The following ABCD2 variants were observed in gnomAD, a reference collection of about 807,000 sequenced individuals.
ABCD2 encodes the protein ATP binding cassette subfamily D member 2, also known as ATP-binding cassette sub-family D member 2.
ABCD2 carries 36 observed loss-of-function variants against 70.9 expected under a neutral mutation model. That is an observed-to-expected ratio of 0.51 (90% CI 0.39 to 0.67). ABCD2 has a LOEUF of 0.67. Among genes scored for constraint, ABCD2 ranks in the 30% least tolerant of loss-of-function variants. The pLI is 0.00. For synonymous variants in ABCD2, 304 were observed against 306.9 expected (o/e 0.99, Z 0.10); for missense variants, 729 against 890.2 (o/e 0.82, Z 2.30).
At chr12:39,566,778 A>G (rs889484640) in intron 9 of ABCD2, among the ~76,000 whole-genome samples, 8 of 152,128 alleles carry the variant, frequency 5.3e-5, no homozygotes, top group African/African-American at 1.7e-4. Context: ...AGTGCTATAA[A>G]TTTCCCTCTA....
intron 6 of ABCD2, among the ~76,000 whole-genome samples, chr12:39,588,230 GCAT>G (rs1262483747): frequency 1.3e-5 from 2 of 152,106 alleles, no homozygotes; most frequent in Non-Finnish European, 2.9e-5. Context: ...GAAGCACACA[GCAT>G]CATTTCAGTA....
At chr12:39,596,006 T>C (rs758284372) in intron 6 of ABCD2, among the ~76,000 whole-genome samples, 7 of 152,226 alleles carry the variant, frequency 4.6e-5, no homozygotes, top group Non-Finnish European at 1.0e-4. Context: ...AGCACTATCA[T>C]TTCCAGTATG....
intron 6 of ABCD2, among the ~76,000 whole-genome samples, chr12:39,599,957 C>A (rs960013243): frequency 4.6e-5 from 7 of 152,150 alleles, no homozygotes; most frequent in Non-Finnish European, 1.0e-4. Context: ...ATGAATATTA[C>A]AAATTCTTAG....
At chr12:39,555,174 ACCCATCAGC>A (rs1941143739) in intron 9 of ABCD2, among the ~76,000 whole-genome samples, 1 of 151,760 alleles carries the variant, frequency 6.6e-6, no homozygotes, top group Non-Finnish European at 1.5e-5. Flanking sequence ...GAAACCCAAT[ACCCATCAGC>A]AGTCTTTCTC....
the ABCD2 span, among the ~76,000 whole-genome samples, chr12:39,533,465 T>G: frequency 6.6e-6 from 1 of 152,166 alleles, no homozygotes; most frequent in Non-Finnish European, 1.5e-5. Flanking sequence ...CTGAAAGAGA[T>G]GAATGAATTA....
intron 5 of ABCD2, among the ~76,000 whole-genome samples, chr12:39,603,603 A>G (rs922856188): frequency 7.9e-5 from 12 of 152,198 alleles, no homozygotes; most frequent in Admixed American, 2.0e-4. Context: ...AATAATTTCT[A>G]TAAGGCAAAA....
intron 9 of ABCD2, among the ~76,000 whole-genome samples, chr12:39,560,296 T>G (rs987808694): frequency 3.0e-4 from 45 of 152,160 alleles, no homozygotes; most frequent in African/African-American, 1.1e-3. Flanking sequence ...TTGCTGAGAA[T>G]GATGGTTTCC....
At chr12:39,548,808 T>C (rs1941051447), downstream of ABCD2, among the ~76,000 whole-genome samples, 1 of 151,986 alleles carries the variant, frequency 6.6e-6, no homozygotes, top group Non-Finnish European at 1.5e-5. Flanking sequence ...CATTGCTTCA[T>C]TGCTACATAA....
intron 1 of ABCD2, among the ~76,000 whole-genome samples, 194 bp downstream of exon 1, chr12:39,618,483 G>T (rs1353383586): frequency 2.0e-5 from 3 of 152,112 alleles, no homozygotes; most frequent in Non-Finnish European, 2.9e-5. Flanking sequence ...AGAAAAGTTT[G>T]CACCCTATAA....
chr12:39,596,937 TAATACCTAACAC>T (rs1293941526), intron 6 of ABCD2, among the ~76,000 whole-genome samples: 1 of 152,138 alleles, frequency 6.6e-6, no homozygotes, highest in African/African-American at 2.4e-5. Context: ...AGATTACTTG[TAATACCTAACAC>T]AATACAAATA....
At chr12:39,607,557 A>G (rs1358118557) in intron 3 of ABCD2, 42 bp downstream of exon 3, 1 of 1,476,806 alleles carries the variant, frequency 6.8e-7, no homozygotes, top group Non-Finnish European at 9.3e-7. Flanking sequence ...TGATTTTCAT[A>G]AATTTTATTT....
chr12:39,537,638 A>C, the ABCD2 span, among the ~76,000 whole-genome samples: 1 of 152,232 alleles, frequency 6.6e-6, no homozygotes. Flanking sequence ...AGGTGCTAGC[A>C]ATAATGCTAG....
intron 6 of ABCD2, among the ~76,000 whole-genome samples, chr12:39,593,021 C>T (rs1460160448): frequency 6.6e-6 from 1 of 152,162 alleles, no homozygotes. Flanking sequence ...AATACTTTAA[C>T]AGCACCCTTT....
chr12:39,543,387 T>C, the ABCD2 span, among the ~76,000 whole-genome samples: 2 of 152,166 alleles, frequency 1.3e-5, no homozygotes, highest in Admixed American at 1.3e-4. Flanking sequence ...TATATTACCA[T>C]CTCTCTTTCA....
chr12:39,619,643 A>G lies in ABCD2; in HGVS notation c.-28T>C, dbSNP rs758676077. 8.9e-6 allele frequency: 14 copies of G among 1,580,032 alleles called. No individual in the cohort carries two copies. Among genetic ancestry groups the G allele is most frequent in the Middle Eastern group, 1.7e-4 (1 of 5,950 alleles). On this transcript the variant is annotated 5_prime_UTR_variant, in exon 1 of 10. Coordinates refer to ENST00000308666, the MANE Select transcript of ABCD2 (RefSeq NM_005164.4). ...TCCCAGTTACCCAAACCGGCTTCCA[A>G]AAGAATTCGTTTTAAAAGATCATGC...
intron 9 of ABCD2, 121 bp downstream of exon 9, chr12:39,573,595 G>C: frequency 9.2e-7 from 1 of 1,088,768 alleles, no homozygotes; most frequent in South Asian, 2.3e-5. Context: ...CAACTTAAGA[G>C]AAATATGGGT....
chr12:39,565,433 CT>C (rs1195908646), intron 9 of ABCD2, among the ~76,000 whole-genome samples: 2 of 152,222 alleles, frequency 1.3e-5, no homozygotes, highest in East Asian at 3.9e-4. Flanking sequence ...CTCTGTTTGT[CT>C]GTTATTGGTG....
chr12:39,563,601 G>T (rs1422423210), intron 9 of ABCD2, among the ~76,000 whole-genome samples: 1 of 151,960 alleles, frequency 6.6e-6, no homozygotes, highest in Non-Finnish European at 1.5e-5. Flanking sequence ...AAGATAAATT[G>T]TTCCTGGCTG....
chr12:39,607,400 A>G (rs1359638723), intron 3 of ABCD2, among the ~76,000 whole-genome samples, 199 bp downstream of exon 3: 1 of 152,184 alleles, frequency 6.6e-6, no homozygotes, highest in Non-Finnish European at 1.5e-5. Flanking sequence ...AAGAGAGATA[A>G]CAATTGATAG....
Sources: gnomAD v4.1 joint callset for allele counts (sites outside exome capture counted in the v4.1 genomes callset) on GRCh38, gnomAD v4.1.1 for gene constraint, MANE v1.5 for transcripts, NCBI Gene and HGNC (gene_info 2026-07-23, HGNC 2026-07-21) for gene names.